The following GPC3 variants were observed in gnomAD, a reference collection of about 807,000 sequenced individuals.
GPC3 encodes the protein glypican-3.
GPC3 carries 3 observed loss-of-function variants against 34.4 expected under a neutral mutation model. That is an observed-to-expected ratio of 0.09 (90% CI 0.04 to 0.23). The LOEUF (loss-of-function observed/expected upper bound fraction) is 0.23, where lower values mean the gene tolerates loss of function less well. GPC3 is among the 10% of genes least tolerant of loss of function. The pLI, the probability that GPC3 is intolerant of heterozygous loss-of-function variation, is 1.00. For missense variants in GPC3, 351 were observed against 445.6 expected, an observed-to-expected ratio of 0.79 and a Z score of 1.91; for synonymous variants, 177 against 174.0, an observed-to-expected ratio of 1.02 and a Z score of -0.13.
intron 6 of GPC3, among the ~76,000 whole-genome samples, chrX:133,602,190 C>G (rs762733649): frequency 9.0e-6 from 1 of 111,630 alleles, no homozygotes; most frequent in Non-Finnish European, 1.9e-5. Flanking sequence ...ACCCCACATT[C>G]TCGCTCATAT....
intron 7 of GPC3, 188 bp downstream of exon 7, chrX:133,596,252 T>C: frequency 2.2e-6 from 1 of 455,714 alleles, no homozygotes; most frequent in Middle Eastern, 6.2e-4. Context: ...TTGGAAATGG[T>C]GGGAGGAAAA....
chrX:133,869,942 G>A (rs1042331941), intron 2 of GPC3, among the ~76,000 whole-genome samples: 2 of 112,113 alleles, frequency 1.8e-5, no homozygotes, highest in South Asian at 3.7e-4. Context: ...GCGATAGAGC[G>A]AGAGTCCGTC....
chrX:133,602,119 A>G (rs2069988076), intron 6 of GPC3, among the ~76,000 whole-genome samples: 1 of 111,764 alleles, frequency 8.9e-6, no homozygotes, highest in Non-Finnish European at 1.9e-5. Context: ...ATTTGAGGCC[A>G]TATGGATGAG....
chrX:133,853,836 G>T (rs893103332), intron 2 of GPC3, among the ~76,000 whole-genome samples: 5 of 112,068 alleles, frequency 4.5e-5, no homozygotes, highest in Middle Eastern at 4.2e-3. Context: ...CTGCTGTGAG[G>T]TGTAGGGGAT....
At position 133,985,454 on chromosome X, in the gene GPC3, C is replaced by T. The variant is rs1276525343; in HGVS notation, c.-5G>A. 3.4e-6 allele frequency: 4 copies of T among 1,166,183 alleles called. No homozygotes were observed. The highest frequency in any genetic ancestry group is 4.6e-6 in the Non-Finnish European group (4 of 872,935). ...GGTGCGCACGGTCCCGGCCATCCTG[C>T]TTCGCAGGGAGCTAGGAGAGCGCGG... On this transcript the variant is annotated 5_prime_UTR_variant, in exon 1 of 8. Transcript: ENST00000370818.
At chrX:133,757,295 C>A (rs914966742) in intron 2 of GPC3, among the ~76,000 whole-genome samples, 2 of 111,516 alleles carry the variant, frequency 1.8e-5, no homozygotes, top group Non-Finnish European at 3.8e-5. Flanking sequence ...ATTCTGGTCA[C>A]CACCCTTTGG....
At chrX:133,804,309 G>A (rs755340484) in intron 2 of GPC3, among the ~76,000 whole-genome samples, 1 of 111,259 alleles carries the variant, frequency 9.0e-6, no homozygotes, top group African/African-American at 3.3e-5. Flanking sequence ...TGTTAAGGAA[G>A]AGGCGGGGAT....
rs181294920 is a variant in GPC3, at chrX:133,644,026, C to T, written c.1413+17704G>A. Among the ~76,000 whole-genome samples, 727 of 109,845 alleles carry T rather than the reference C, an allele frequency of 6.6e-3. 4 individuals carry two copies. Among genetic ancestry groups the T allele is most frequent in the Non-Finnish European group, 0.01 (528 of 52,730 alleles). On this transcript the variant is annotated intron_variant, in intron 6 of 7. Coordinates refer to ENST00000370818, the MANE Select transcript of GPC3 (RefSeq NM_004484.4). ...TATTTTTAGTAGAGACGGGGTTTCGCTATGTTGGCCAGGCTGGTCTCGAAC... is the reference window on the plus strand; with the variant it reads ...TATTTTTAGTAGAGACGGGGTTTCGTTATGTTGGCCAGGCTGGTCTCGAAC...
chrX:133,545,688 C>T (rs146192779), intron 7 of GPC3, among the ~76,000 whole-genome samples: 1,738 of 111,422 alleles, frequency 0.016, 15 homozygotes, highest in Non-Finnish European at 0.023. Flanking sequence ...TTTTGTTAGA[C>T]GGTGCCTCTA....
chrX:133,889,873 T>C (rs1343108046), intron 2 of GPC3, among the ~76,000 whole-genome samples: 1 of 99,718 alleles, frequency 1.0e-5, no homozygotes, highest in African/African-American at 3.7e-5. Flanking sequence ...TCTCACTCTG[T>C]TGCCCAGGCT....
In GPC3 at chrX:133,612,101, T is replaced by C. The variant is rs185072574; in HGVS notation, c.1414-15502A>G. Among the ~76,000 whole-genome samples the C allele has an allele frequency of 1.8e-3, 203 of 112,020 alleles. 1 individual carries two copies. Among genetic ancestry groups the C allele is most frequent in the African/African-American group, 6.3e-3 (194 of 30,876 alleles). On this transcript the variant is annotated intron_variant, in intron 6 of 7. Transcript: ENST00000370818. Reference sequence around the variant, plus strand: ...AAGTAATATAAAACATGGAGGGCCATGGGAATTTGGAGGAGGTTGCTGCTG... The same window carrying C: ...AAGTAATATAAAACATGGAGGGCCACGGGAATTTGGAGGAGGTTGCTGCTG...
At chrX:133,886,349 TAA>T (rs768736902) in intron 2 of GPC3, among the ~76,000 whole-genome samples, 11 of 94,532 alleles carry the variant, frequency 1.2e-4, no homozygotes, top group Non-Finnish European at 8.6e-5. Context: ...GTCCCTATTT[TAA>T]AAAAAAAAAA....
intron 7 of GPC3, among the ~76,000 whole-genome samples, chrX:133,581,133 T>C (rs1456609200): frequency 3.6e-5 from 4 of 112,479 alleles, no homozygotes; most frequent in Non-Finnish European, 5.6e-5. Context: ...AGGAATACCA[T>C]TGAGGTTTGG....
intron 2 of GPC3, among the ~76,000 whole-genome samples, chrX:133,900,444 G>A (rs2076139246): frequency 8.9e-6 from 1 of 111,837 alleles, no homozygotes; most frequent in Admixed American, 9.5e-5. Flanking sequence ...TTAAGAGTCA[G>A]AGCTCATCCA....
chrX:133,575,293 CT>C, intron 7 of GPC3, among the ~76,000 whole-genome samples: 1 of 111,960 alleles, frequency 8.9e-6, no homozygotes, highest in South Asian at 3.8e-4. Context: ...TATTATGTTT[CT>C]GACTATTATT....
chrX:133,660,514 C>G (rs1569408297), intron 6 of GPC3, among the ~76,000 whole-genome samples: 1 of 111,846 alleles, frequency 8.9e-6, no homozygotes. Flanking sequence ...AGAGGAAAAA[C>G]TATGTGTACA....
At chrX:133,579,729 T>C (rs2069717123) in intron 7 of GPC3, among the ~76,000 whole-genome samples, 1 of 109,448 alleles carries the variant, frequency 9.1e-6, no homozygotes, top group Admixed American at 9.8e-5. Context: ...AGAGACAGGG[T>C]TTCACCATGT....
At chrX:133,960,511 GA>G (rs1054290505) in intron 1 of GPC3, among the ~76,000 whole-genome samples, 2 of 111,497 alleles carry the variant, frequency 1.8e-5, no homozygotes, top group Non-Finnish European at 3.8e-5. Flanking sequence ...TTAAAGAACA[GA>G]AAAAATATTA....
At chrX:133,897,048 A>G (rs1317511895) in intron 2 of GPC3, among the ~76,000 whole-genome samples, 3 of 108,034 alleles carry the variant, frequency 2.8e-5, no homozygotes, top group Non-Finnish European at 5.7e-5. Context: ...CTGGGACTAC[A>G]GGCGCCCACA....
Sources: allele counts gnomAD v4.1 joint callset (sites outside exome capture counted in the v4.1 genomes callset), GRCh38; gene constraint gnomAD v4.1.1; transcripts MANE v1.5; gene names NCBI Gene and HGNC (gene_info 2026-07-23, HGNC 2026-07-21).